The following DPP8 variants were observed in gnomAD, a reference collection of about 807,000 sequenced individuals.
The protein encoded by DPP8 is dipeptidyl peptidase 8.
In DPP8, 31 loss-of-function variants were observed where a neutral mutation model predicts 107.5. The ratio of observed to expected loss-of-function variants is 0.29; its 90% CI spans 0.22 to 0.39. The LOEUF (loss-of-function observed/expected upper bound fraction) is 0.39, where lower values mean the gene tolerates loss of function less well. Ranked by LOEUF, DPP8 falls within the 10% of genes least tolerant of loss-of-function variation. The probability of loss-of-function intolerance (pLI) is 1.00; values close to 1 mark genes in which losing one functional copy is unlikely to be tolerated. For synonymous variants in DPP8, 381 were observed against 356.6 expected (o/e 1.07, Z -0.77); for missense variants, 842 against 1,076.1 (o/e 0.78, Z 3.04).
intron 1 of DPP8, chr15:65,516,833 C>A (rs1243429267): frequency 6.6e-6 from 1 of 152,278 alleles, no homozygotes; most frequent in African/African-American, 2.4e-5. Flanking sequence ...GGGCAAAGAC[C>A]TTGAAAAACT....
intron 3 of DPP8, among the ~76,000 whole-genome samples, chr15:65,504,877 G>A (rs957709837): frequency 6.6e-6 from 1 of 152,024 alleles, no homozygotes; most frequent in African/African-American, 2.4e-5. Flanking sequence ...CAGCTACTCA[G>A]GAGGCTGAGG....
chr15:65,455,081 C>T (rs2064297581), intron 16 of DPP8, among the ~76,000 whole-genome samples: 1 of 152,158 alleles, frequency 6.6e-6, no homozygotes, highest in African/African-American at 2.4e-5. Context: ...ACAAGCCTTC[C>T]TATACCCAAA....
intron 9 of DPP8, 122 bp downstream of exon 9, chr15:65,481,393 A>G: frequency 1.4e-6 from 1 of 700,950 alleles, no homozygotes; most frequent in Admixed American, 2.9e-5. Flanking sequence ...GTGTAGTAAT[A>G]ACTGTACTGC....
intron 10 of DPP8, among the ~76,000 whole-genome samples, chr15:65,479,845 C>A (rs1329622023): frequency 9.2e-6 from 1 of 108,792 alleles, no homozygotes; most frequent in Non-Finnish European, 1.7e-5. Flanking sequence ...AGCGAGACTC[C>A]GTCTCAAAAA....
intron 1 of DPP8, among the ~76,000 whole-genome samples, chr15:65,514,951 G>T (rs1191882713): frequency 6.6e-6 from 1 of 152,178 alleles, no homozygotes; most frequent in Non-Finnish European, 1.5e-5. Flanking sequence ...TAGGGCTGGG[G>T]AACAGAATAG....
At chr15:65,496,074 C>G (rs548897616) in intron 5 of DPP8, among the ~76,000 whole-genome samples, 15 of 151,886 alleles carry the variant, frequency 9.9e-5, no homozygotes, top group African/African-American at 3.6e-4. Flanking sequence ...AGCTCCGCCT[C>G]CTGGGTTCAC....
At chr15:65,485,250 G>A in intron 7 of DPP8, 90 bp from the exon 8 acceptor site, 1 of 1,021,328 alleles carries the variant, frequency 9.8e-7, no homozygotes, top group Non-Finnish European at 1.5e-6. Flanking sequence ...CTTTAGTTAA[G>A]AATAACGTAT....
intron 19 of DPP8, among the ~76,000 whole-genome samples, chr15:65,449,989 C>T (rs1011255201): frequency 3.1e-4 from 30 of 97,672 alleles, no homozygotes; most frequent in East Asian, 3.6e-3. Context: ...TTTTTTGAGA[C>T]GGAGTTTCAC....
intron 12 of DPP8, among the ~76,000 whole-genome samples, chr15:65,467,592 G>A (rs2065476364): frequency 6.6e-6 from 1 of 152,004 alleles, no homozygotes; most frequent in Admixed American, 6.6e-5. Flanking sequence ...TGCCCAAGCT[G>A]GTCTTAAACC....
rs777539913 is a variant in DPP8, at chr15:65,454,340, G to A, written c.2194C>T (p.Arg732Cys). The A allele has an allele frequency of 1.2e-6, 2 of 1,604,330 alleles. No homozygotes were observed. Among genetic ancestry groups the A allele is most frequent in the East Asian group, 2.3e-5 (1 of 44,014 alleles). Residue 732 changes from arginine to cysteine, a missense_variant, in exon 17 of 20, where the codon CGT becomes TGT. Arg to Cys is a radical substitution (Grantham distance 180). Around this residue, in one of 2 missense-constraint regions of DPP8, gnomAD observed 179 missense variants for 318.0 expected, o/e 0.56. Transcript: ENST00000300141. ...TAGGACCAGCCGTGGATGCCCACACGATCTAAGTCAATGAAATCATATCGA... is the reference window on the plus strand; with the variant it reads ...TAGGACCAGCCGTGGATGCCCACACAATCTAAGTCAATGAAATCATATCGA... Reference protein sequence around the residue: ...ASRYDFIDLDRVGIHGWSYGG... With the variant: ...ASRYDFIDLDCVGIHGWSYGG...
intron 7 of DPP8, among the ~76,000 whole-genome samples, chr15:65,486,989 A>T (rs1290367190): frequency 2.0e-5 from 3 of 151,990 alleles, no homozygotes; most frequent in Non-Finnish European, 4.4e-5. Context: ...ATAAAATTTA[A>T]AATAAAAAAA....
chr15:65,516,900 G>A lies in DPP8; in HGVS notation c.-12+586C>T, dbSNP rs558005336. 133 of 152,738 alleles carry A rather than the reference G, an allele frequency of 8.7e-4. 1 individual carries two copies. The highest frequency in any genetic ancestry group is 1.4e-3 in the Non-Finnish European group (96 of 68,280). 9.5% of individuals were successfully genotyped at this position (152,738 alleles called of 1,614,324 possible). On this transcript the variant is annotated intron_variant, in intron 1 of 19. Transcript: ENST00000300141. ...GAGAATATTGAGAAGAGAGATGGGA[G>A]GAATGCCAAGTCTTAGAAGAAAAGT...
chr15:65,497,824 A>C (rs750932128), intron 5 of DPP8, 40 bp downstream of exon 5: 1 of 1,377,982 alleles, frequency 7.3e-7, no homozygotes, highest in Non-Finnish European at 9.6e-7. Flanking sequence ...ACTTCAAAAA[A>C]TACTGTTCAG....
At chr15:65,488,533 G>A (rs559395825) in intron 6 of DPP8, among the ~76,000 whole-genome samples, 7 of 148,250 alleles carry the variant, frequency 4.7e-5, no homozygotes, top group Non-Finnish European at 7.4e-5. Context: ...GCTTGAGCCC[G>A]GGAGGCAGAC....
In DPP8 at chr15:65,446,834, C is replaced by T. The variant is rs367764223; in HGVS notation, c.*50G>A. The stretch of plus-strand genomic sequence containing the variant: ...GTGTTTTCTGTTGATTAAACCTCCT[C>T]ATTTGGTTAAATAGCCAGTGTATAC... On this transcript the variant is annotated 3_prime_UTR_variant, in exon 20 of 20. Coordinates refer to ENST00000300141, the MANE Select transcript of DPP8 (RefSeq NM_130434.5). The T allele has an allele frequency of 2.0e-5, 31 of 1,530,718 alleles. No individual in the cohort carries two copies. In the African/African-American group the frequency reaches 3.7e-4, roughly 18 times the overall value. 94.8% of individuals were successfully genotyped at this position (1,530,718 alleles called of 1,614,324 possible). A position where few individuals can be genotyped will look rare whatever the true frequency, so the allele number is the denominator to read the frequency against.
chr15:65,512,872 G>GA, intron 1 of DPP8: 1 of 302,616 alleles, frequency 3.3e-6, no homozygotes, highest in Admixed American at 4.7e-5. Flanking sequence ...TCCCACACTG[G>GA]AAGGAAACAG....
At chr15:65,512,740 A>C (rs1394572944) in intron 1 of DPP8, 176 bp from the exon 2 acceptor site, 2 of 631,506 alleles carry the variant, frequency 3.2e-6, no homozygotes, top group Non-Finnish European at 5.4e-6. Flanking sequence ...CTCTGTGTTC[A>C]GTTTAAAAAT....
At chr15:65,501,325 A>G (rs1053745115) in intron 3 of DPP8, among the ~76,000 whole-genome samples, 7 of 152,130 alleles carry the variant, frequency 4.6e-5, no homozygotes, top group Non-Finnish European at 4.4e-5. Context: ...TGATTACTGT[A>G]TACATTAGAG....
intron 2 of DPP8, among the ~76,000 whole-genome samples, chr15:65,507,908 CAT>C (rs111956503): frequency 4.6e-5 from 7 of 152,080 alleles, no homozygotes; most frequent in African/African-American, 1.7e-4. Context: ...ATTGGAAACA[CAT>C]AGATCTAACT....
Sources: allele counts gnomAD v4.1 joint callset (sites outside exome capture counted in the v4.1 genomes callset), GRCh38; gene constraint gnomAD v4.1.1; regional missense constraint gnomAD v4.1.1; transcripts MANE v1.5; gene names NCBI Gene and HGNC (gene_info 2026-07-23, HGNC 2026-07-21).